The following ILKAP variants were observed in gnomAD, a reference collection of about 807,000 sequenced individuals.
ILKAP encodes ILK associated serine/threonine phosphatase.
A neutral mutation model predicts 49.1 loss-of-function variants in ILKAP; 11 were observed. The ratio of observed to expected loss-of-function variants is 0.22; its 90% CI spans 0.14 to 0.37. ILKAP has a LOEUF of 0.37. Among genes scored for constraint, ILKAP ranks in the 10% least tolerant of loss-of-function variants. The pLI is 1.00. For missense variants in ILKAP, 363 were observed against 510.8 expected, an observed-to-expected ratio of 0.71 and a Z score of 2.79; for synonymous variants, 186 against 192.8, an observed-to-expected ratio of 0.96 and a Z score of 0.29.
chr2:238,201,778 G>A (rs75766577), intron 1 of ILKAP, among the ~76,000 whole-genome samples: 7,410 of 151,674 alleles, frequency 0.049, 377 homozygotes, highest in East Asian at 0.17. Context: ...AATATATTCA[G>A]ATAGAAATTA....
intron 1 of ILKAP, among the ~76,000 whole-genome samples, chr2:238,202,096 GC>G (rs1339603148): frequency 1.3e-5 from 2 of 152,122 alleles, no homozygotes; most frequent in Non-Finnish European, 2.9e-5. Flanking sequence ...GTGGTGGTCG[GC>G]GCCTGTAATC....
chr2:238,183,759 G>C lies in ILKAP; in HGVS notation c.627-19C>G, dbSNP rs1693789607. ...AGGCTTCCTGGGGGGAAACACATCAGAAACACAGTCACCACCAATAGCCCA... is the reference window on the plus strand; with the variant it reads ...AGGCTTCCTGGGGGGAAACACATCACAAACACAGTCACCACCAATAGCCCA... On this transcript the variant is annotated intron_variant, in intron 7 of 11. Transcript: ENST00000254654. 1.9e-6 allele frequency: 3 copies of C among 1,588,736 alleles called. No homozygotes were observed. In the African/African-American group the frequency reaches 4.0e-5, roughly 21 times the overall value.
chr2:238,175,933 G>A (rs1050542091), intron 9 of ILKAP, among the ~76,000 whole-genome samples: 6 of 151,714 alleles, frequency 4.0e-5, no homozygotes. Flanking sequence ...ACAGGCGCAT[G>A]CCACCAATAC....
At chr2:238,196,384 T>C (rs4663860) in intron 1 of ILKAP, among the ~76,000 whole-genome samples, 125,102 of 151,990 alleles carry the variant, frequency 0.82, 51,658 homozygotes, top group East Asian at 0.98. Context: ...AGCCACCATG[T>C]CTGGTCTAAT....
chr2:238,189,115 G>A (rs1202950439), intron 4 of ILKAP, among the ~76,000 whole-genome samples: 6 of 152,034 alleles, frequency 3.9e-5, no homozygotes, highest in South Asian at 2.1e-4. Context: ...TCAGGAGATC[G>A]AGAGCATCCT....
At chr2:238,196,768 CTA>C (rs1460574369) in intron 1 of ILKAP, among the ~76,000 whole-genome samples, 2 of 152,180 alleles carry the variant, frequency 1.3e-5, no homozygotes. Context: ...CTTTATATCC[CTA>C]ATACAAATGG....
intron 9 of ILKAP, among the ~76,000 whole-genome samples, chr2:238,181,625 G>GTGTTTTTTT (rs1559291937): frequency 2.9e-5 from 4 of 135,620 alleles, no homozygotes; most frequent in Admixed American, 8.0e-5. Flanking sequence ...TTTTTTTTTG[G>GTGTTTTTTT]TTTTTTTTTT....
intron 1 of ILKAP, among the ~76,000 whole-genome samples, chr2:238,203,179 G>A (rs1371509916): frequency 6.6e-6 from 1 of 151,102 alleles, no homozygotes; most frequent in Non-Finnish European, 1.5e-5. Flanking sequence ...GTTCAGAGCC[G>A]GTCCCTCGGG....
chr2:238,196,852 C>A (rs548257440), intron 1 of ILKAP, among the ~76,000 whole-genome samples: 1 of 152,304 alleles, frequency 6.6e-6, no homozygotes, highest in Admixed American at 6.5e-5. Context: ...ACTTTTCTTA[C>A]AAGTGACATA....
At position 238,176,135 on chromosome 2, in the gene ILKAP, C is replaced by CT. The variant is rs55849458; in HGVS notation, c.837-2483dup. Among the ~76,000 whole-genome samples, 666 of 97,974 alleles carry CT rather than the reference C, an allele frequency of 6.8e-3. 42 individuals carry two copies. Among genetic ancestry groups the CT allele is most frequent in the Non-Finnish European group, 9.3e-3 (511 of 54,734 alleles). The allele number at this position is 97,974 out of a possible 152,430, so 64.3% of individuals were successfully genotyped here. A position where few individuals can be genotyped will look rare whatever the true frequency, so the allele number is the denominator to read the frequency against. ...AATTACAATGCTTAGCAAGTAGTGG[C>CT]TTTTTTTTTTTTTTTTGAGACAGAG... On this transcript the variant is annotated intron_variant, in intron 9 of 11. Coordinates refer to ENST00000254654, the MANE Select transcript of ILKAP (RefSeq NM_030768.3).
chr2:238,196,485 C>T (rs2106340843), intron 1 of ILKAP, among the ~76,000 whole-genome samples: 1 of 152,238 alleles, frequency 6.6e-6, no homozygotes, highest in South Asian at 2.1e-4. Context: ...CCTCAGCCTC[C>T]CAAAGTGCTG....
At chr2:238,175,961 A>G (rs67102443) in intron 9 of ILKAP, among the ~76,000 whole-genome samples, 51,870 of 151,440 alleles carry the variant, frequency 0.34, 9,670 homozygotes, top group African/African-American at 0.48. Flanking sequence ...ATCCACATCC[A>G]TTTCTTAGAA....
rs779069719 is a variant in ILKAP at position 238,185,297 on chromosome 2, C to T, written c.426-10G>A. The stretch of plus-strand genomic sequence containing the variant: ...ATATGAAACCCGAGTACTGAAAGAA[C>T]GAATTGAGAGTTAATCAAATTCTCA... On this transcript the variant is annotated splice_polypyrimidine_tract_variant and intron_variant, in intron 5 of 11. Transcript: ENST00000254654. 9 of 1,536,510 alleles carry T rather than the reference C, an allele frequency of 5.9e-6. No homozygotes were observed. Among genetic ancestry groups the T allele is most frequent in the Admixed American group, 3.4e-5 (2 of 59,302 alleles).
At chr2:238,187,982 G>C in intron 5 of ILKAP, 149 bp downstream of exon 5, 1 of 927,544 alleles carries the variant, frequency 1.1e-6, no homozygotes, top group Admixed American at 2.6e-5. Context: ...CCTGGGCGGG[G>C]AGCAAAATCA....
chr2:238,171,631 T>G (rs1693222944), intron 10 of ILKAP, among the ~76,000 whole-genome samples: 1 of 152,176 alleles, frequency 6.6e-6, no homozygotes, highest in Non-Finnish European at 1.5e-5. Flanking sequence ...TTAGGCAAAC[T>G]CCAGAAAAAT....
intron 1 of ILKAP, among the ~76,000 whole-genome samples, chr2:238,200,961 G>C (rs1694543818): frequency 6.6e-6 from 1 of 152,256 alleles, no homozygotes; most frequent in African/African-American, 2.4e-5. Context: ...AATAGCCACA[G>C]AAGGCACAGT....
At chr2:238,173,954 C>G (rs1489537701) in intron 9 of ILKAP, 1 of 311,696 alleles carries the variant, frequency 3.2e-6, no homozygotes, top group South Asian at 7.1e-5. Context: ...TCATCACACA[C>G]CTAGGTCCCA....
intron 7 of ILKAP, 115 bp from the exon 8 acceptor site, chr2:238,183,855 AC>A: frequency 2.0e-6 from 2 of 993,992 alleles, no homozygotes; most frequent in Non-Finnish European, 3.0e-6. Flanking sequence ...TTTCCTTGAT[AC>A]TTGCTTTTTT....
chr2:238,183,992 T>A (rs1378290673), intron 7 of ILKAP, 28 bp downstream of exon 7: 1 of 1,368,214 alleles, frequency 7.3e-7, no homozygotes, highest in South Asian at 1.2e-5. Flanking sequence ...CACAGTCCAC[T>A]CAAACTTCAT....
Sources: gnomAD v4.1 joint callset for allele counts (sites outside exome capture counted in the v4.1 genomes callset) on GRCh38, gnomAD v4.1.1 for gene constraint, MANE v1.5 for transcripts, NCBI Gene and HGNC (gene_info 2026-07-23, HGNC 2026-07-21) for gene names.